Variants in PSD2 observed in about 807,000 individuals in gnomAD.
The protein encoded by PSD2 is PH and SEC7 domain-containing protein 2.
A neutral mutation model predicts 69.8 loss-of-function variants in PSD2; 38 were observed. The observed-to-expected ratio is 0.54, with a 90% CI of 0.42 to 0.71. The LOEUF (loss-of-function observed/expected upper bound fraction) is 0.71. PSD2 is among the 30% of genes least tolerant of loss of function. The pLI is 0.00. For missense variants in PSD2, 943 were observed against 1,014.5 expected (o/e 0.93, Z 0.96); for synonymous variants, 412 against 423.0 (o/e 0.97, Z 0.32).
At chr5:139,784,244 C>A in the PSD2 span, among the ~76,000 whole-genome samples, 1 of 151,918 alleles carries the variant, frequency 6.6e-6, no homozygotes, top group African/African-American at 2.4e-5. Flanking sequence ...TGGCCTCCCC[C>A]AGCTCTTAAT....
chr5:139,824,909 G>A (rs1323517698), intron 7 of PSD2, among the ~76,000 whole-genome samples: 2 of 149,434 alleles, frequency 1.3e-5, no homozygotes, highest in Admixed American at 6.6e-5. Context: ...GGGGCCCTGC[G>A]AGTCCCCACA....
At chr5:139,781,428 T>C in the PSD2 span, among the ~76,000 whole-genome samples, 13,814 of 151,700 alleles carry the variant, frequency 0.091, 705 homozygotes, top group African/African-American at 0.12. Context: ...CTCCACCTCC[T>C]GGGTTCACGC....
intron 1 of PSD2, among the ~76,000 whole-genome samples, chr5:139,797,431 G>C (rs1387603772): frequency 6.6e-6 from 1 of 152,206 alleles, no homozygotes; most frequent in Non-Finnish European, 1.5e-5. Context: ...TTGCAAGGTT[G>C]AAGTCTCAAT....
chr5:139,832,737 G>T (rs1386489188), intron 7 of PSD2, among the ~76,000 whole-genome samples: 1 of 152,210 alleles, frequency 6.6e-6, no homozygotes, highest in Non-Finnish European at 1.5e-5. Context: ...ATCCTTCAGT[G>T]ATAAGTATCT....
the PSD2 span, among the ~76,000 whole-genome samples, chr5:139,772,220 C>T: frequency 1.3e-5 from 2 of 152,224 alleles, no homozygotes; most frequent in Admixed American, 1.3e-4. Flanking sequence ...GCATTAGATC[C>T]CTCCTCCCGC....
intron 9 of PSD2, among the ~76,000 whole-genome samples, chr5:139,836,255 G>A (rs186386987): frequency 6.6e-6 from 1 of 152,350 alleles, no homozygotes; most frequent in African/African-American, 2.4e-5. Flanking sequence ...TGACCTTGCT[G>A]TTTGGGGAGA....
chr5:139,813,637 G>A lies in PSD2; in HGVS notation c.700G>A (p.Val234Ile), dbSNP rs766919191. 1.7e-5 allele frequency: 27 copies of A among 1,613,770 alleles called. No homozygotes were observed. The highest frequency in any genetic ancestry group is 2.2e-5 in the East Asian group (1 of 44,884). ...CATCTCCAGCAGCCGCTCTGAGAAT[G>A]TCCTGAGCCGCCTGTCTCTCATGGC... ...RSISSSRSEN[V>I]LSRLSLMAMP... Residue 234 changes from valine to isoleucine, a missense_variant, in exon 3 of 15, where the codon GTC becomes ATC. Coordinates refer to ENST00000274710, the MANE Select transcript of PSD2 (RefSeq NM_032289.4).
At chr5:139,763,263 C>T in the PSD2 span, among the ~76,000 whole-genome samples, 1 of 152,148 alleles carries the variant, frequency 6.6e-6, no homozygotes, top group African/African-American at 2.4e-5. Context: ...GAACCTCACA[C>T]CCATTCCTCC....
chr5:139,811,368 T>C (rs1325563338), intron 2 of PSD2, among the ~76,000 whole-genome samples: 1 of 152,124 alleles, frequency 6.6e-6, no homozygotes, highest in African/African-American at 2.4e-5. Context: ...GAAGGGGCAC[T>C]TCCCAGTCCT....
chr5:139,746,680 C>T, the PSD2 span, among the ~76,000 whole-genome samples: 1 of 152,212 alleles, frequency 6.6e-6, no homozygotes, highest in Middle Eastern at 3.2e-3. The surrounding 1 kb of genome is among the most constrained non-coding windows in gnomAD (Gnocchi z 4.5). Context: ...TGGACTGATG[C>T]GCGAGGGAGG....
the PSD2 span, among the ~76,000 whole-genome samples, chr5:139,776,530 C>T: frequency 6.6e-6 from 1 of 152,136 alleles, no homozygotes; most frequent in Non-Finnish European, 1.5e-5. Flanking sequence ...GATATGTACC[C>T]AGAGGCTGGA....
At chr5:139,811,755 C>T (rs925573270) in intron 2 of PSD2, among the ~76,000 whole-genome samples, 3 of 152,064 alleles carry the variant, frequency 2.0e-5, no homozygotes, top group Admixed American at 6.6e-5. Flanking sequence ...CCACTACGCC[C>T]GGCTAATTTT....
In PSD2 at chr5:139,842,651, C is replaced by G; in HGVS notation, c.*177C>G. ...GCCGTTTGTGGCGTTGATCTCCTTG[C>G]GTCCTTGGGCATCTCCGGGCATCAG... is the stretch of plus-strand genomic sequence containing the variant. On this transcript the variant is annotated 3_prime_UTR_variant, in exon 15 of 15. Coordinates refer to ENST00000274710, the MANE Select transcript of PSD2 (RefSeq NM_032289.4). 2 of 605,604 alleles carry G rather than the reference C, an allele frequency of 3.3e-6. No homozygotes were observed. The highest frequency in any genetic ancestry group is 4.1e-5 in the South Asian group (2 of 48,760). The allele number at this position is 605,604 out of a possible 1,614,324, so 37.5% of individuals were successfully genotyped here.
chr5:139,836,617 C>G (rs1247766169), intron 9 of PSD2, among the ~76,000 whole-genome samples, 194 bp from the exon 10 acceptor site: 1 of 152,128 alleles, frequency 6.6e-6, no homozygotes, highest in Non-Finnish European at 1.5e-5. Flanking sequence ...GGTCAGAGGT[C>G]AGAAGTGGAG....
chr5:139,749,179 T>C, the PSD2 span, among the ~76,000 whole-genome samples: 1 of 152,088 alleles, frequency 6.6e-6, no homozygotes, highest in Non-Finnish European at 1.5e-5. Context: ...GCTCAGTCGG[T>C]TCCCCCCTAG....
In PSD2 at chr5:139,844,017, A is replaced by G. The variant is rs1159503388; in HGVS notation, c.*1543A>G. The G allele has an allele frequency of 6.6e-6, 1 of 152,248 alleles. No individual in the cohort carries two copies. The highest frequency in any genetic ancestry group is 6.5e-5 in the Admixed American group (1 of 15,288). The allele number at this position is 152,248 out of a possible 1,614,324, so 9.4% of individuals were successfully genotyped here. On this transcript the variant is annotated 3_prime_UTR_variant, in exon 15 of 15. Transcript: ENST00000274710. ...TATGTGGAGAGATGTAGTGATTTAA[A>G]TTCAGATTATTTAAGTTGGATCAGC... is the stretch of plus-strand genomic sequence containing the variant.
chr5:139,840,299 A>G, intron 14 of PSD2, 129 bp downstream of exon 14: 1 of 1,042,142 alleles, frequency 9.6e-7, no homozygotes, highest in Non-Finnish European at 1.4e-6. Flanking sequence ...GCTGGGAGGG[A>G]ACAGGGTCCC....
the PSD2 span, among the ~76,000 whole-genome samples, chr5:139,788,186 C>CG: frequency 6.6e-6 from 1 of 151,842 alleles, no homozygotes; most frequent in Admixed American, 6.5e-5. Flanking sequence ...CGCGCCCCCC[C>CG]CCGAACCCGT....
the PSD2 span, among the ~76,000 whole-genome samples, chr5:139,781,100 C>G: frequency 2.6e-5 from 4 of 152,110 alleles, no homozygotes; most frequent in South Asian, 8.3e-4. Context: ...ATTGAGCATG[C>G]CTCTAATTCT....
Sources: gnomAD v4.1 joint callset for allele counts (sites outside exome capture counted in the v4.1 genomes callset) on GRCh38, gnomAD v4.1.1 for gene constraint, Gnocchi (gnomAD v3.1) non-coding constraint, MANE v1.5 for transcripts, NCBI Gene and HGNC (gene_info 2026-07-23, HGNC 2026-07-21) for gene names.